Variants in ARHGEF15 observed in about 807,000 individuals in gnomAD.
ARHGEF15 encodes the protein Rho guanine nucleotide exchange factor 15, also known as Rho guanine nucleotide exchange factor (GEF) 15.
A neutral mutation model predicts 79.7 loss-of-function variants in ARHGEF15; 58 were observed. The observed-to-expected ratio is 0.73, with a 90% confidence interval of 0.59 to 0.91. The LOEUF is 0.91. ARHGEF15 is among the 40% of genes least tolerant of loss of function. The pLI is 0.00. For synonymous variants in ARHGEF15, 442 were observed against 456.0 expected (o/e 0.97, Z 0.39); for missense variants, 1,012 against 1,108.1 (o/e 0.91, Z 1.23).
rs1475346467 is a variant in ARHGEF15, at chr17:8,313,113, T to G, written c.793T>G (p.Ser265Ala). ...CGGTCACCCTGCCGTTGTCCTCACA[T>G]CCTACCGCTCCACTGCTGAGCGCAA... ...SIGHPAVVLT[S>A]YRSTAERKLL... The change falls in exon 3 of 16, where the codon TCC becomes GCC. Residue 265 changes from serine (S) to alanine (A), a missense_variant. Ser to Ala is a moderately conservative substitution (Grantham distance 99). Coordinates refer to ENST00000361926, the MANE Select transcript of ARHGEF15 (RefSeq NM_173728.4). The G allele has an allele frequency of 3.0e-6, 4 of 1,328,824 alleles. No individual in the cohort carries two copies. The highest frequency in any genetic ancestry group is 4.3e-6 in the Non-Finnish European group (4 of 941,020). The allele number at this position is 1,328,824 out of a possible 1,614,324, so 82.3% of individuals were successfully genotyped here.
Position 8,312,615 on chromosome 17 carries a change from T to C in ARHGEF15, c.576T>C (p.Ser192=), listed in dbSNP as rs559241646. 55 of 1,612,472 alleles carry C rather than the reference T, an allele frequency of 3.4e-5. No individual in the cohort carries two copies. Among genetic ancestry groups the C allele is most frequent in the Non-Finnish European group, 4.2e-5 (50 of 1,179,650 alleles). ...NGEREAPLTG[S]GSQENGAPDA... is the part of the protein sequence containing the mutation. ...AGAGAGAAGCTCCCCTCACCGGGAG[T>C]GGGTCCCAGGAGAACGGTGCTCCAG... is the stretch of plus-strand genomic sequence containing the variant. Residue 192 remains serine, a synonymous_variant, in exon 2 of 16, where the codon AGT becomes AGC. Coordinates refer to ENST00000361926, the MANE Select transcript of ARHGEF15 (RefSeq NM_173728.4).
chr17:8,316,012 T>A lies in ARHGEF15; in HGVS notation c.1575-7T>A. 1 of 1,601,464 alleles carries A rather than the reference T, an allele frequency of 6.2e-7. No homozygotes were observed. Among genetic ancestry groups the A allele is most frequent in the South Asian group, 1.1e-5 (1 of 90,978 alleles). On this transcript the variant is annotated splice_region_variant and splice_polypyrimidine_tract_variant and intron_variant, in intron 8 of 15. Transcript: ENST00000361926. ...CAGGCAGCCGCTAGCCATGCCTGCTTCTGCAGGGACACCAACGTGCGCTTC... is the reference window on the plus strand; with the variant it reads ...CAGGCAGCCGCTAGCCATGCCTGCTACTGCAGGGACACCAACGTGCGCTTC...
chr17:8,316,170 G>A (rs1172278949), intron 9 of ARHGEF15, 22 bp downstream of exon 9: 4 of 1,595,968 alleles, frequency 2.5e-6, no homozygotes, highest in Admixed American at 1.7e-5. Context: ...AGCTGCGGCC[G>A]TTTCTGCCCC....
In ARHGEF15 at chr17:8,321,277, C is replaced by A; in HGVS notation, c.*284C>A. The A allele has an allele frequency of 2.8e-6, 1 of 351,226 alleles. No individual in the cohort carries two copies. Among genetic ancestry groups the A allele is most frequent in the Non-Finnish European group, 5.2e-6 (1 of 191,586 alleles). 21.8% of individuals were successfully genotyped at this position (351,226 alleles called of 1,614,324 possible). ...GCTGAGCCTATGGCCAATGAGTATT[C>A]CTGCTATGCTCAGGGCCAAGGAAGA... is the stretch of plus-strand genomic sequence containing the variant. On this transcript the variant is annotated 3_prime_UTR_variant, in exon 16 of 16. Transcript: ENST00000361926.
In ARHGEF15 at chr17:8,315,882, CAGG is replaced by C. The variant is rs1904991728; in HGVS notation, c.1555_1557del (p.Glu519del). On this transcript the variant is annotated inframe_deletion, in exon 8 of 16. Transcript: ENST00000361926. This position sits in a 1 kb window ranked among gnomAD's most constrained non-coding sequence, Gnocchi z 4.3. ...GGATTATGTGCGGAACCAGCAGTAT[CAGG>C]AGGAGACCTACAGCCGCCTCATGTG... 3 of 1,610,976 alleles carry C rather than the reference CAGG, an allele frequency of 1.9e-6. No homozygotes were observed. The South Asian group carries it at 3.3e-5, about 18-fold the overall frequency.
At chr17:8,311,087 C>G (rs754738353) in intron 1 of ARHGEF15, among the ~76,000 whole-genome samples, 1 of 151,980 alleles carries the variant, frequency 6.6e-6, no homozygotes, top group Non-Finnish European at 1.5e-5. Context: ...TTGTTCCCCC[C>G]TCATCATTTC....
rs1293683804 is a variant in ARHGEF15 at position 8,316,010 on chromosome 17, C to T, written c.1575-9C>T. 3 of 1,601,080 alleles carry T rather than the reference C, an allele frequency of 1.9e-6. No homozygotes were observed. Among genetic ancestry groups the T allele is most frequent in the African/African-American group, 2.7e-5 (2 of 74,888 alleles). On this transcript the variant is annotated splice_polypyrimidine_tract_variant and intron_variant, in intron 8 of 15. Transcript: ENST00000361926. ...TCCAGGCAGCCGCTAGCCATGCCTG[C>T]TTCTGCAGGGACACCAACGTGCGCT...
intron 15 of ARHGEF15, 73 bp from the exon 16 acceptor site, chr17:8,320,769 C>T (rs1357272156): frequency 1.9e-5 from 27 of 1,417,424 alleles, no homozygotes; most frequent in Non-Finnish European, 2.3e-5. Flanking sequence ...CCTGAGACCC[C>T]ACGAGGCCCC....
At chr17:8,310,511 T>G (rs1904536500) in intron 1 of ARHGEF15, among the ~76,000 whole-genome samples, 168 bp downstream of exon 1, 3 of 151,968 alleles carry the variant, frequency 2.0e-5, no homozygotes, top group Non-Finnish European at 4.4e-5. Context: ...ATCCCTTAGC[T>G]GAGACAGAGG....
Position 8,315,954 on chromosome 17 carries a change from C to G in ARHGEF15, c.1574+47C>G, listed in dbSNP as rs1480362421. ...AGGAAGCTGGGGAGAGGGATGGGAC[C>G]GAGGCCACAGCAGGTTGGGGCACCA... On this transcript the variant is annotated intron_variant, in intron 8 of 15. Transcript: ENST00000361926. This position sits in a 1 kb window ranked among gnomAD's most constrained non-coding sequence, Gnocchi z 4.3. 2 of 1,601,402 alleles carry G rather than the reference C, an allele frequency of 1.2e-6. No individual in the cohort carries two copies. The highest frequency in any genetic ancestry group is 1.3e-5 in the African/African-American group (1 of 74,866).
chr17:8,320,775 G>GC (rs1310544542), intron 15 of ARHGEF15, 67 bp from the exon 16 acceptor site: 15 of 1,486,958 alleles, frequency 1.0e-5, no homozygotes, highest in Non-Finnish European at 1.4e-5. Context: ...ACCCCACGAG[G>GC]CCCCCTTTGC....
rs1455487845 is a variant in ARHGEF15, at chr17:8,312,589, G to T, written c.550G>T (p.Glu184Ter). 2 of 1,612,470 alleles carry T rather than the reference G, an allele frequency of 1.2e-6. No individual in the cohort carries two copies. The highest frequency in any genetic ancestry group is 3.3e-5 in the Admixed American group (2 of 59,880). The change falls in exon 2 of 16, where the codon GAG becomes TAG. Residue 184 changes from glutamate (E) to a stop codon, truncating the protein, a stop_gained. Transcript: ENST00000361926. LOFTEE classifies it high-confidence loss of function. ...CCAAGCGAGAGCAGATGTGAATGGG[G>T]AGAGAGAAGCTCCCCTCACCGGGAG... is the stretch of plus-strand genomic sequence containing the variant. ...GLQARADVNG[E>*]REAPLTGSGS...
At chr17:8,313,790 G>T (rs1904827547) in intron 4 of ARHGEF15, 1 of 405,692 alleles carries the variant, frequency 2.5e-6, no homozygotes, top group Admixed American at 4.3e-5. Context: ...AGCACTCTGG[G>T]AGGCCGCGGC....
In ARHGEF15 at chr17:8,315,395, T is replaced by G. The variant is rs1334006540; in HGVS notation, c.1261-19T>G. The G allele has an allele frequency of 3.7e-6, 6 of 1,613,670 alleles. No individual in the cohort carries two copies. Among genetic ancestry groups the G allele is most frequent in the African/African-American group, 1.3e-5 (1 of 74,844 alleles). ...CACGGTGAACTGGGCTTCCCACGAC[T>G]GCCTGCTTTTCTTTCTAGAGTCTTT... On this transcript the variant is annotated intron_variant, in intron 6 of 15. Coordinates refer to ENST00000361926, the MANE Select transcript of ARHGEF15 (RefSeq NM_173728.4). The surrounding 1 kb of genome is among the most constrained non-coding windows in gnomAD (Gnocchi z 4.3).
At chr17:8,319,822 G>A (rs972864322) in intron 15 of ARHGEF15, among the ~76,000 whole-genome samples, 2 of 152,076 alleles carry the variant, frequency 1.3e-5, no homozygotes, top group African/African-American at 4.8e-5. Flanking sequence ...TTTTAGTAGA[G>A]ATGGGGTTTC....
intron 15 of ARHGEF15, among the ~76,000 whole-genome samples, chr17:8,320,224 G>C (rs79378105): frequency 0.018 from 2,785 of 152,062 alleles, 38 homozygotes; most frequent in Middle Eastern, 0.034. Context: ...TAAAGAATGA[G>C]CAAAATAGAT....
chr17:8,313,374 G>A lies in ARHGEF15; in HGVS notation c.934+120G>A, dbSNP rs755554826. On this transcript the variant is annotated intron_variant, in intron 3 of 15. Transcript: ENST00000361926. ...CACTGGGCTCTTTGCTTCCCCACCA[G>A]CTGCTGCTCTGGTGCTGAAGAGAGT... 1.7e-4 allele frequency: 250 copies of A among 1,491,776 alleles called. 1 individual carries two copies. Among genetic ancestry groups the A allele is most frequent in the Middle Eastern group, 5.7e-4 (3 of 5,238 alleles). 92.4% of individuals were successfully genotyped at this position (1,491,776 alleles called of 1,614,324 possible). A position where few individuals can be genotyped will look rare whatever the true frequency, so the allele number is the denominator to read the frequency against.
In ARHGEF15 at chr17:8,311,853, C is replaced by T. The variant is rs529089415; in HGVS notation, c.-49-138C>T. On this transcript the variant is annotated intron_variant, in intron 1 of 15. Coordinates refer to ENST00000361926, the MANE Select transcript of ARHGEF15 (RefSeq NM_173728.4). ...GGGCAGACACGGAGCGGCTGTATCC[C>T]GTATTGAGTTTTATGGATTCTCTGG... is the stretch of plus-strand genomic sequence containing the variant. 1,364 of 538,506 alleles carry T rather than the reference C, an allele frequency of 2.5e-3. 5 individuals carry two copies. Among genetic ancestry groups the T allele is most frequent in the Non-Finnish European group, 3.9e-3 (1,206 of 310,284 alleles). 33.4% of individuals were successfully genotyped at this position (538,506 alleles called of 1,614,324 possible).
In ARHGEF15 at chr17:8,322,304, C is replaced by T. The variant is rs1905436118; in HGVS notation, c.*1311C>T. Reference sequence around the variant, plus strand: ...GGCAGACAGTGGCTGGCAGGGGGGCCCAGGCCCGGGACGAGGCCTCCCCTT... The same window carrying T: ...GGCAGACAGTGGCTGGCAGGGGGGCTCAGGCCCGGGACGAGGCCTCCCCTT... On this transcript the variant is annotated 3_prime_UTR_variant, in exon 16 of 16. Transcript: ENST00000361926. 6.6e-6 allele frequency: 1 copy of T among 152,404 alleles called. No homozygotes were observed. The allele number at this position is 152,404 out of a possible 1,614,324, so 9.4% of individuals were successfully genotyped here.
Sources: gnomAD v4.1 joint callset for allele counts (sites outside exome capture counted in the v4.1 genomes callset) on GRCh38, gnomAD v4.1.1 for gene constraint, Gnocchi (gnomAD v3.1) non-coding constraint, MANE v1.5 for transcripts, NCBI Gene and HGNC (gene_info 2026-07-23, HGNC 2026-07-21) for gene names.